The following ASZ1 variants were observed in gnomAD, a reference collection of about 807,000 sequenced individuals.
The protein encoded by ASZ1 is ankyrin repeat, SAM and basic leucine zipper domain containing 1, also known as ankyrin repeat, SAM and basic leucine zipper domain-containing protein 1.
In ASZ1, 67 loss-of-function variants were observed where a neutral mutation model predicts 61.8. The ratio of observed to expected loss-of-function variants is 1.08; its 90% CI spans 0.89 to 1.33. The LOEUF (loss-of-function observed/expected upper bound fraction) is 1.33. ASZ1 is among the 40% of genes most tolerant of loss of function. The pLI is 0.00. For missense variants in ASZ1, 577 were observed against 554.5 expected (o/e 1.04, Z -0.41); for synonymous variants, 193 against 192.7 (o/e 1.00, Z -0.01).
chr7:117,370,116 T>C (rs1479978983), intron 10 of ASZ1, among the ~76,000 whole-genome samples: 1 of 152,090 alleles, frequency 6.6e-6, no homozygotes, highest in Non-Finnish European at 1.5e-5. Flanking sequence ...TATTCTGGGC[T>C]CTAAAGACTC....
chr7:117,422,259 A>C lies in ASZ1; in HGVS notation c.306T>G (p.Gly102=). ...AELVRVLLDR[G]ANASFEKDKQ... ...TACCCTTCTCAAAGCTTGCATTAGC[A>C]CCTCTGTCCAAAAGGACCCGAACCA... The change falls in exon 3 of 13, where the codon GGT becomes GGG. Residue 102 remains glycine (G), a synonymous_variant. Coordinates refer to ENST00000284629, the MANE Select transcript of ASZ1 (RefSeq NM_130768.3). The C allele has an allele frequency of 1.9e-6, 3 of 1,613,800 alleles. No homozygotes were observed. The highest frequency in any genetic ancestry group is 2.5e-6 in the Non-Finnish European group (3 of 1,179,892).
intron 4 of ASZ1, among the ~76,000 whole-genome samples, chr7:117,401,671 A>C (rs1009634204): frequency 6.6e-6 from 1 of 152,192 alleles, no homozygotes; most frequent in Non-Finnish European, 1.5e-5. Flanking sequence ...TAGCATTTTT[A>C]CTTTGTAATT....
rs1425534887 is a variant in ASZ1, at chr7:117,426,954, T to C, written c.106-19A>G. ...TCAATTTCTAGAAAAGTAAACATTT[T>C]AAAAAATTCTTGTTATATATATTTT... On this transcript the variant is annotated intron_variant, in intron 1 of 12. Transcript: ENST00000284629. 6.4e-7 allele frequency: 1 copy of C among 1,573,682 alleles called. No homozygotes were observed. The highest frequency in any genetic ancestry group is 8.6e-7 in the Non-Finnish European group (1 of 1,164,720).
intron 9 of ASZ1, among the ~76,000 whole-genome samples, chr7:117,380,404 T>C (rs1435244543): frequency 1.3e-5 from 2 of 151,768 alleles, no homozygotes; most frequent in African/African-American, 2.4e-5. Flanking sequence ...AAATGAGAAT[T>C]AGGCCCTATC....
At chr7:117,368,757 T>C in intron 10 of ASZ1, 40 bp from the exon 11 acceptor site, 1 of 1,603,896 alleles carries the variant, frequency 6.2e-7, no homozygotes, top group Non-Finnish European at 8.5e-7. Flanking sequence ...GAATTACTAA[T>C]AAGAGCAATT....
At chr7:117,368,154 T>C in intron 11 of ASZ1, 2 of 736,006 alleles carry the variant, frequency 2.7e-6, no homozygotes, top group Non-Finnish European at 3.3e-6. Context: ...CTCAAACTCC[T>C]GGCCTCAAGC....
At chr7:117,379,844 CA>C (rs1343493716) in intron 10 of ASZ1, 93 bp downstream of exon 10, 20 of 747,978 alleles carry the variant, frequency 2.7e-5, no homozygotes, top group Non-Finnish European at 4.0e-5. Flanking sequence ...ATGATGGTAT[CA>C]AGTAAAATGA....
intron 10 of ASZ1, among the ~76,000 whole-genome samples, chr7:117,379,168 T>TATATATATATACACAC (rs1161457624): frequency 1.4e-5 from 1 of 69,726 alleles, no homozygotes; most frequent in African/African-American, 5.5e-5. Context: ...TATATATATA[T>TATATATATATACACAC]ACACACACAC....
At chr7:117,383,383 T>C (rs1393726942) in intron 6 of ASZ1, among the ~76,000 whole-genome samples, 1 of 151,994 alleles carries the variant, frequency 6.6e-6, no homozygotes, top group Non-Finnish European at 1.5e-5. Flanking sequence ...AAGTGCTTCC[T>C]TAACCTACAA....
intron 4 of ASZ1, among the ~76,000 whole-genome samples, chr7:117,406,305 A>T (rs1796780367): frequency 6.6e-6 from 1 of 152,254 alleles, no homozygotes; most frequent in Non-Finnish European, 1.5e-5. Context: ...GTATTTAAAA[A>T]AGGTTTTCAG....
chr7:117,410,033 T>G (rs1201045888), intron 4 of ASZ1, among the ~76,000 whole-genome samples: 1 of 151,750 alleles, frequency 6.6e-6, no homozygotes, highest in Non-Finnish European at 1.5e-5. Context: ...TGTGTAAACT[T>G]TTTATGTAGA....
At chr7:117,412,349 T>C (rs1460949183) in intron 4 of ASZ1, among the ~76,000 whole-genome samples, 2 of 151,920 alleles carry the variant, frequency 1.3e-5, no homozygotes, top group Non-Finnish European at 1.5e-5. Context: ...AAGATATTTC[T>C]AAAAATTCTT....
chr7:117,402,395 G>A (rs755117368), intron 4 of ASZ1, among the ~76,000 whole-genome samples: 12 of 152,114 alleles, frequency 7.9e-5, no homozygotes, highest in East Asian at 1.9e-4. Flanking sequence ...CCTTTGTCAC[G>A]TTGGCATGTT....
chr7:117,421,199 T>G (rs1225673820), intron 3 of ASZ1, among the ~76,000 whole-genome samples: 1 of 152,212 alleles, frequency 6.6e-6, no homozygotes, highest in Admixed American at 6.5e-5. Context: ...ACCTCATTCC[T>G]AAGCATAGCT....
intron 10 of ASZ1, among the ~76,000 whole-genome samples, chr7:117,371,474 T>C (rs1206996967): frequency 6.6e-6 from 1 of 152,076 alleles, no homozygotes; most frequent in African/African-American, 2.4e-5. Flanking sequence ...AATTAAAAAA[T>C]GTAGGAAAAC....
intron 4 of ASZ1, among the ~76,000 whole-genome samples, chr7:117,387,212 G>A (rs1192795296): frequency 3.3e-5 from 5 of 151,498 alleles, no homozygotes; most frequent in African/African-American, 1.2e-4. Context: ...TACTTCAGAG[G>A]TGGGAGAATC....
chr7:117,377,728 T>C (rs1796162599), intron 10 of ASZ1, among the ~76,000 whole-genome samples: 1 of 152,056 alleles, frequency 6.6e-6, no homozygotes, highest in African/African-American at 2.4e-5. Context: ...AAAAAGGCTC[T>C]AGAAGAGCCA....
intron 10 of ASZ1, among the ~76,000 whole-genome samples, chr7:117,369,494 T>A (rs1371770665): frequency 3.3e-5 from 5 of 152,164 alleles, no homozygotes; most frequent in African/African-American, 1.2e-4. Flanking sequence ...TGGAGAGTGG[T>A]GTGGATAAAA....
intron 4 of ASZ1, among the ~76,000 whole-genome samples, chr7:117,386,624 C>T (rs1308483596): frequency 6.6e-6 from 1 of 152,114 alleles, no homozygotes; most frequent in African/African-American, 2.4e-5. Context: ...CTGATTTATA[C>T]ACAAAGAACT....
Sources: allele counts gnomAD v4.1 joint callset (sites outside exome capture counted in the v4.1 genomes callset), GRCh38; gene constraint gnomAD v4.1.1; transcripts MANE v1.5; gene names NCBI Gene and HGNC (gene_info 2026-07-23, HGNC 2026-07-21).